The following NTNG1 variants were observed in gnomAD, a reference collection of about 807,000 sequenced individuals.
NTNG1 encodes the protein netrin G1.
Under a neutral mutation model 54.0 loss-of-function variants are expected in NTNG1, and 16 were observed. That is an observed-to-expected ratio of 0.30 (90% CI 0.20 to 0.45). The LOEUF is 0.45. NTNG1 is among the 20% of genes least tolerant of loss of function. NTNG1 has a pLI of 1.00. For missense variants in NTNG1, 530 were observed against 678.7 expected, an observed-to-expected ratio of 0.78 and a Z score of 2.43; for synonymous variants, 255 against 263.1, an observed-to-expected ratio of 0.97 and a Z score of 0.30.
chr1:107,153,137 C>T (rs540416075), intron 2 of NTNG1, among the ~76,000 whole-genome samples: 28 of 152,192 alleles, frequency 1.8e-4, no homozygotes, highest in African/African-American at 6.3e-4. Flanking sequence ...ATGGAATTTA[C>T]GGAAGTGGTA....
intron 2 of NTNG1, among the ~76,000 whole-genome samples, chr1:107,176,211 T>C (rs1656634226): frequency 6.6e-6 from 1 of 152,110 alleles, no homozygotes; most frequent in African/African-American, 2.4e-5. Context: ...TTAGGGAGAG[T>C]TAAATGTTTT....
intron 2 of NTNG1, among the ~76,000 whole-genome samples, chr1:107,169,523 A>G (rs1437943073): frequency 6.6e-6 from 1 of 152,114 alleles, no homozygotes; most frequent in Non-Finnish European, 1.5e-5. Context: ...CACCTCAAGC[A>G]GGAGTAGGGA....
At chr1:107,429,903 C>T (rs1368521218) in intron 5 of NTNG1, among the ~76,000 whole-genome samples, 1 of 152,092 alleles carries the variant, frequency 6.6e-6, no homozygotes, top group Non-Finnish European at 1.5e-5. Context: ...CTCTCATGCT[C>T]TTCTTCATCT....
chr1:107,469,642 A>G (rs989611489), intron 7 of NTNG1, among the ~76,000 whole-genome samples: 3 of 152,080 alleles, frequency 2.0e-5, no homozygotes, highest in Admixed American at 1.3e-4. Flanking sequence ...TATTTTTAAT[A>G]GAGCCTGGGT....
intron 2 of NTNG1, among the ~76,000 whole-genome samples, chr1:107,299,822 G>T (rs1021908509): frequency 6.6e-6 from 1 of 151,982 alleles, no homozygotes; most frequent in Non-Finnish European, 1.5e-5. Flanking sequence ...ATAGTGGATA[G>T]ACTGTAATCT....
chr1:107,418,522 A>G, intron 5 of NTNG1: 1 of 1,235,800 alleles, frequency 8.1e-7, no homozygotes, highest in Non-Finnish European at 1.1e-6. Flanking sequence ...TTTTCTGTTT[A>G]GACCAAATGA....
intron 3 of NTNG1, among the ~76,000 whole-genome samples, chr1:107,392,440 G>T (rs1454592179): frequency 6.6e-6 from 1 of 152,018 alleles, no homozygotes; most frequent in East Asian, 1.9e-4. Context: ...GCTGTGCTAG[G>T]CCAGAACCCA....
chr1:107,452,248 T>C (rs1228247163), intron 7 of NTNG1, among the ~76,000 whole-genome samples: 1 of 152,146 alleles, frequency 6.6e-6, no homozygotes, highest in Non-Finnish European at 1.5e-5. Flanking sequence ...CTGGGAAGGA[T>C]TTTCATCTGT....
intron 3 of NTNG1, among the ~76,000 whole-genome samples, chr1:107,389,485 C>T (rs1672231606): frequency 3.3e-5 from 5 of 152,138 alleles, no homozygotes; most frequent in Admixed American, 3.3e-4. Context: ...TGGCACAGAA[C>T]TAAATGTTGG....
chr1:107,161,748 G>A (rs1570736194), intron 2 of NTNG1, among the ~76,000 whole-genome samples: 1 of 150,114 alleles, frequency 6.7e-6, no homozygotes, highest in African/African-American at 2.4e-5. Flanking sequence ...GTTTTTGTTA[G>A]AATTAAAAAA....
At chr1:107,474,561 T>C (rs1331567467) in intron 7 of NTNG1, among the ~76,000 whole-genome samples, 1 of 152,186 alleles carries the variant, frequency 6.6e-6, no homozygotes, top group Non-Finnish European at 1.5e-5. Context: ...ACTTATTCCA[T>C]TTTATGCACT....
chr1:107,323,778 CA>C (rs35333372), intron 2 of NTNG1, among the ~76,000 whole-genome samples: 142,831 of 151,800 alleles, frequency 0.94, 67,801 homozygotes, highest in East Asian at 1. Context: ...CAGGGAAAGC[CA>C]AAAAAAAAGG....
chr1:107,282,285 C>G (rs993886754), intron 2 of NTNG1, among the ~76,000 whole-genome samples: 3 of 152,130 alleles, frequency 2.0e-5, no homozygotes, highest in African/African-American at 7.2e-5. Flanking sequence ...CAACCCTTTC[C>G]TGTCTGTTCT....
intron 2 of NTNG1, among the ~76,000 whole-genome samples, chr1:107,280,200 G>A (rs1159232539): frequency 9.6e-5 from 11 of 114,796 alleles, no homozygotes; most frequent in Non-Finnish European, 1.7e-4. Flanking sequence ...TATTCTATAG[G>A]GCCTCTCAAT....
chr1:107,366,191 A>G (rs1241620976), intron 3 of NTNG1, among the ~76,000 whole-genome samples: 1 of 152,150 alleles, frequency 6.6e-6, no homozygotes, highest in East Asian at 1.9e-4. Context: ...TTTAATCTCC[A>G]CAATGTTAGA....
At chr1:107,384,338 T>A (rs1056534545) in intron 3 of NTNG1, among the ~76,000 whole-genome samples, 1 of 152,154 alleles carries the variant, frequency 6.6e-6, no homozygotes, top group Non-Finnish European at 1.5e-5. Context: ...TTTTAGATAA[T>A]TTTTTTAAAT....
intron 2 of NTNG1, among the ~76,000 whole-genome samples, chr1:107,230,134 A>G (rs983661170): frequency 6.6e-6 from 1 of 152,190 alleles, no homozygotes; most frequent in African/African-American, 2.4e-5. Flanking sequence ...AAAAATGTGT[A>G]GTTTCTTATA....
At chr1:107,307,386 A>G (rs1289749832) in intron 2 of NTNG1, among the ~76,000 whole-genome samples, 2 of 152,132 alleles carry the variant, frequency 1.3e-5, no homozygotes, top group African/African-American at 4.8e-5. Context: ...AATGATAGTG[A>G]TGATGATGAT....
At chr1:107,262,638 A>G (rs1204389970) in intron 2 of NTNG1, among the ~76,000 whole-genome samples, 2 of 152,202 alleles carry the variant, frequency 1.3e-5, no homozygotes, top group African/African-American at 4.8e-5. Context: ...AGTAGCTGGA[A>G]ATTGAGAAAG....
Sources: allele counts gnomAD v4.1 joint callset (sites outside exome capture counted in the v4.1 genomes callset), GRCh38; gene constraint gnomAD v4.1.1; transcripts MANE v1.5; gene names NCBI Gene and HGNC (gene_info 2026-07-23, HGNC 2026-07-21).